The following DYNC1I2 variants were observed in gnomAD, a reference collection of about 807,000 sequenced individuals.
DYNC1I2 encodes the protein cytoplasmic dynein 1 intermediate chain 2.
Under a neutral mutation model 88.6 loss-of-function variants are expected in DYNC1I2, and 53 were observed. The ratio of observed to expected loss-of-function variants is 0.60; its 90% CI spans 0.48 to 0.75. The LOEUF (loss-of-function observed/expected upper bound fraction) is 0.75. Among genes scored for constraint, DYNC1I2 ranks in the 30% least tolerant of loss-of-function variants. The probability of loss-of-function intolerance (pLI) is 0.00; values close to 1 mark genes in which losing one functional copy is unlikely to be tolerated. For missense variants in DYNC1I2, 458 were observed against 766.6 expected (o/e 0.60, Z 4.75); for synonymous variants, 198 against 254.6 (o/e 0.78, Z 2.12).
chr2:171,707,716 A>T (rs1327720242), intron 5 of DYNC1I2, among the ~76,000 whole-genome samples: 1 of 152,186 alleles, frequency 6.6e-6, no homozygotes, highest in Admixed American at 6.5e-5. Flanking sequence ...GGGTGTAAAT[A>T]GTGTAAAACC....
intron 3 of DYNC1I2, among the ~76,000 whole-genome samples, chr2:171,698,759 C>G (rs767852864): frequency 6.6e-6 from 1 of 152,052 alleles, no homozygotes; most frequent in Non-Finnish European, 1.5e-5. Flanking sequence ...GTCCTAGCTA[C>G]TTGGGAGGCT....
chr2:171,715,732 C>T (rs1687443665), intron 7 of DYNC1I2, among the ~76,000 whole-genome samples: 1 of 152,048 alleles, frequency 6.6e-6, no homozygotes, highest in African/African-American at 2.4e-5. Flanking sequence ...TTAATGTATA[C>T]TGCTTTTAGA....
chr2:171,734,332 C>G (rs1489930833), intron 15 of DYNC1I2, among the ~76,000 whole-genome samples: 1 of 152,146 alleles, frequency 6.6e-6, no homozygotes, highest in African/African-American at 2.4e-5. Context: ...TGATAGCAGA[C>G]TGATTGATAC....
At chr2:171,692,389 AT>A (rs1420676397) in intron 2 of DYNC1I2, among the ~76,000 whole-genome samples, 2 of 152,082 alleles carry the variant, frequency 1.3e-5, no homozygotes, top group African/African-American at 4.8e-5. Context: ...TTACACTTTA[AT>A]TTTTTCATTG....
At chr2:171,720,803 A>G (rs1324304660) in intron 7 of DYNC1I2, among the ~76,000 whole-genome samples, 2 of 152,218 alleles carry the variant, frequency 1.3e-5, no homozygotes, top group East Asian at 3.8e-4. Context: ...AATTAGTTTT[A>G]ACCCTCAGAG....
chr2:171,717,479 G>C (rs961250524), intron 7 of DYNC1I2, among the ~76,000 whole-genome samples: 1 of 151,842 alleles, frequency 6.6e-6, no homozygotes, highest in African/African-American at 2.4e-5. Flanking sequence ...CATTCCTGCT[G>C]TTCCATTGGT....
chr2:171,695,290 G>A lies in DYNC1I2; in HGVS notation c.226+2396G>A, dbSNP rs1025773246. On this transcript the variant is annotated intron_variant, in intron 3 of 17. Transcript: ENST00000397119. ...AATTTTTTGTATCTTTAGTAGAGAC[G>A]GGCTTTCACCACGTTGGCCAGGCTG... is the stretch of plus-strand genomic sequence containing the variant. 5.3e-5 allele frequency among the ~76,000 whole-genome samples: 8 copies of A among 152,016 alleles called. No homozygotes were observed. In the South Asian group the frequency reaches 1.2e-3, roughly 24 times the overall value.
At chr2:171,743,105 T>C (rs6738445) in intron 15 of DYNC1I2, among the ~76,000 whole-genome samples, 92,797 of 152,100 alleles carry the variant, frequency 0.61, 31,500 homozygotes, top group South Asian at 0.84. Flanking sequence ...TCTGACAACA[T>C]AAATTGTTGA....
intron 1 of DYNC1I2, among the ~76,000 whole-genome samples, chr2:171,689,464 G>A (rs1437821505): frequency 1.3e-5 from 2 of 152,078 alleles, no homozygotes; most frequent in African/African-American, 4.8e-5. Flanking sequence ...TTTGATCTGT[G>A]TCATATAGCT....
intron 7 of DYNC1I2, among the ~76,000 whole-genome samples, chr2:171,719,428 CT>C (rs1468059166): frequency 1.3e-5 from 2 of 152,182 alleles, no homozygotes; most frequent in Admixed American, 1.3e-4. Flanking sequence ...CTTAACTGTT[CT>C]TGTGCTTACC....
At position 171,744,198 on chromosome 2, in the gene DYNC1I2, GAAAATAAC is replaced by G. The variant is rs758395097; in HGVS notation, c.1677+14_1677+21del. On this transcript the variant is annotated intron_variant, in intron 16 of 17. Coordinates refer to ENST00000397119, the MANE Select transcript of DYNC1I2 (RefSeq NM_001378.3). ...TCAATAATGACACAGAGGTGAGCAG[GAAAATAAC>G]AAAAATTGCATTGAAAAATAGAAAA... 4 of 1,568,554 alleles carry G rather than the reference GAAAATAAC, an allele frequency of 2.6e-6. No homozygotes were observed. The highest frequency in any genetic ancestry group is 2.6e-6 in the Non-Finnish European group (3 of 1,164,306).
At chr2:171,699,280 C>G (rs1019467044) in intron 3 of DYNC1I2, among the ~76,000 whole-genome samples, 1 of 152,076 alleles carries the variant, frequency 6.6e-6, no homozygotes, top group African/African-American at 2.4e-5. Context: ...GCACTCCAGC[C>G]TGGGCAACAG....
chr2:171,703,359 C>T (rs1471697035), intron 3 of DYNC1I2, among the ~76,000 whole-genome samples: 1 of 152,178 alleles, frequency 6.6e-6, no homozygotes, highest in African/African-American at 2.4e-5. Context: ...CCTCAGCCTC[C>T]TGAGTAGCTG....
chr2:171,712,715 T>A, intron 5 of DYNC1I2, 52 bp from the exon 6 acceptor site: 1 of 1,355,762 alleles, frequency 7.4e-7, no homozygotes, highest in South Asian at 1.2e-5. Context: ...TTTGCTTGAC[T>A]AACTTATGGC....
At chr2:171,718,795 T>C (rs146655985) in intron 7 of DYNC1I2, among the ~76,000 whole-genome samples, 45 of 152,294 alleles carry the variant, frequency 3.0e-4, no homozygotes, top group African/African-American at 1.1e-3. Flanking sequence ...GCCTACCACT[T>C]ATCAGGCATA....
intron 15 of DYNC1I2, among the ~76,000 whole-genome samples, chr2:171,733,707 C>G (rs1260716051): frequency 1.3e-5 from 2 of 151,196 alleles, no homozygotes; most frequent in Admixed American, 6.6e-5. Flanking sequence ...TAGAATTTTT[C>G]TCCCTTTCTG....
At chr2:171,730,986 T>C (rs1360842424) in intron 15 of DYNC1I2, among the ~76,000 whole-genome samples, 1 of 152,218 alleles carries the variant, frequency 6.6e-6, no homozygotes, top group Non-Finnish European at 1.5e-5. Flanking sequence ...CCTTTTAAAA[T>C]TGAGCATTTT....
intron 15 of DYNC1I2, among the ~76,000 whole-genome samples, chr2:171,736,509 A>T (rs907588103): frequency 2.0e-5 from 3 of 152,312 alleles, no homozygotes; most frequent in Non-Finnish European, 2.9e-5. Flanking sequence ...TTGCTTGGTG[A>T]GTAAGGAGTT....
intron 3 of DYNC1I2, among the ~76,000 whole-genome samples, chr2:171,693,788 T>C (rs1219614905): frequency 6.6e-6 from 1 of 152,250 alleles, no homozygotes; most frequent in African/African-American, 2.4e-5. Flanking sequence ...CCTTTTCTTG[T>C]AGAATTTGAA....
Sources: gnomAD v4.1 joint callset for allele counts (sites outside exome capture counted in the v4.1 genomes callset) on GRCh38, gnomAD v4.1.1 for gene constraint, MANE v1.5 for transcripts, NCBI Gene and HGNC (gene_info 2026-07-23, HGNC 2026-07-21) for gene names.